FRAS1: variants seen among roughly 807,000 people sequenced by gnomAD.
FRAS1 encodes Fraser extracellular matrix complex subunit 1.
FRAS1 carries 290 observed loss-of-function variants against 435.2 expected under a neutral mutation model. The observed-to-expected ratio is 0.67, with a 90% CI of 0.61 to 0.73. The LOEUF (loss-of-function observed/expected upper bound fraction) is 0.73, where lower values mean the gene tolerates loss of function less well. Ranked by LOEUF, FRAS1 falls within the 30% of genes least tolerant of loss-of-function variation. The pLI, the probability that FRAS1 is intolerant of heterozygous loss-of-function variation, is 0.00. For missense variants in FRAS1, 4,860 were observed against 5,001.5 expected (o/e 0.97, Z 0.85); for synonymous variants, 1,800 against 1,851.0 (o/e 0.97, Z 0.71).
chr4:78,113,830 C>T lies in FRAS1; in HGVS notation c.108+47814C>T, dbSNP rs1056180032. Among the ~76,000 whole-genome samples the T allele has an allele frequency of 1.2e-4, 19 of 152,158 alleles. No individual in the cohort carries two copies. The East Asian group carries it at 2.9e-3, about 23-fold the overall frequency. On this transcript the variant is annotated intron_variant, in intron 2 of 73. Transcript: ENST00000512123. ...TTTGCTGTGCAGAAGTTCTTTAGTTCAATGAGATCCCATTTGTCAATTTTG... is the reference window on the plus strand; with the variant it reads ...TTTGCTGTGCAGAAGTTCTTTAGTTTAATGAGATCCCATTTGTCAATTTTG...
At chr4:78,142,997 A>AC (rs1720258489) in intron 2 of FRAS1, among the ~76,000 whole-genome samples, 1 of 152,328 alleles carries the variant, frequency 6.6e-6, no homozygotes, top group Admixed American at 6.5e-5. Context: ...TAGAAGATTT[A>AC]AACTTGAATA....
chr4:78,262,987 G>C (rs1484897148), intron 6 of FRAS1, among the ~76,000 whole-genome samples: 2 of 152,206 alleles, frequency 1.3e-5, no homozygotes, highest in African/African-American at 2.4e-5. Flanking sequence ...CTATGTTCCA[G>C]TAAAGCTTTA....
At chr4:78,127,306 A>G (rs771497067) in intron 2 of FRAS1, among the ~76,000 whole-genome samples, 52 of 152,182 alleles carry the variant, frequency 3.4e-4, no homozygotes, top group Non-Finnish European at 4.3e-4. Context: ...AGGCTTGCTA[A>G]TGAAGGATTG....
intron 58 of FRAS1, among the ~76,000 whole-genome samples, chr4:78,483,772 C>A (rs201081183): frequency 0.44 from 20,437 of 45,926 alleles, 3,938 homozygotes; most frequent in South Asian, 0.53. Context: ...AAAAAACTCT[C>A]TCTCTCTCTC....
intron 22 of FRAS1, among the ~76,000 whole-genome samples, chr4:78,368,056 A>T (rs72657073): frequency 0.24 from 36,452 of 151,874 alleles, 5,252 homozygotes; most frequent in Non-Finnish European, 0.31. Context: ...AGTAGGTCTC[A>T]CTTCATTTTT....
intron 61 of FRAS1, among the ~76,000 whole-genome samples, chr4:78,500,746 A>G (rs752617019): frequency 6.6e-6 from 1 of 152,124 alleles, no homozygotes; most frequent in African/African-American, 2.4e-5. Flanking sequence ...TTCTGGCTCC[A>G]TCCCATCTGT....
intron 50 of FRAS1, among the ~76,000 whole-genome samples, chr4:78,467,498 A>G (rs1347093933): frequency 6.6e-6 from 1 of 152,148 alleles, no homozygotes; most frequent in Admixed American, 6.6e-5. Flanking sequence ...GTTGCTTCCA[A>G]ATCTTGGCTA....
chr4:78,144,541 T>C (rs529598012), intron 2 of FRAS1, among the ~76,000 whole-genome samples: 10 of 152,246 alleles, frequency 6.6e-5, no homozygotes, highest in East Asian at 1.9e-4. Flanking sequence ...CCTGTATTTG[T>C]TTACATTTTT....
In FRAS1 at chr4:78,119,597, A is replaced by G. The variant is rs968347503; in HGVS notation, c.108+53581A>G. ...TCTTTATCCATTCAGCTGTTGTTGG[A>G]CACTTAGGTTGATTCCATAGCTTGG... is the stretch of plus-strand genomic sequence containing the variant. On this transcript the variant is annotated intron_variant, in intron 2 of 73. Transcript: ENST00000512123. Among the ~76,000 whole-genome samples, 16 of 152,138 alleles carry G rather than the reference A, an allele frequency of 1.1e-4. 1 individual carries two copies. Among genetic ancestry groups the G allele is most frequent in the African/African-American group, 3.6e-4 (15 of 41,430 alleles).
chr4:78,373,806 G>T (rs548369325), intron 24 of FRAS1, among the ~76,000 whole-genome samples: 2 of 152,038 alleles, frequency 1.3e-5, no homozygotes, highest in Admixed American at 1.3e-4. Flanking sequence ...AGTAATAGCT[G>T]CTGATATCTG....
rs75555653 is a variant in FRAS1, at chr4:78,509,581, G to A, written c.9780+575G>A. On this transcript the variant is annotated intron_variant, in intron 63 of 73. Transcript: ENST00000512123. Reference sequence around the variant, plus strand: ...AGAATGGTTGCTGAATGATCAGCACGTTACAAAGCTCTATGGGAGGCCATG... The same window carrying A: ...AGAATGGTTGCTGAATGATCAGCACATTACAAAGCTCTATGGGAGGCCATG... 9.7e-3 allele frequency among the ~76,000 whole-genome samples: 1,477 copies of A among 152,286 alleles called. 73 individuals carry two copies. In the East Asian group the frequency reaches 0.15, roughly 15 times the overall value.
intron 12 of FRAS1, among the ~76,000 whole-genome samples, chr4:78,283,528 A>G (rs957899099): frequency 6.6e-5 from 10 of 152,220 alleles, no homozygotes; most frequent in Non-Finnish European, 1.5e-4. Flanking sequence ...GTTGGCAGGC[A>G]CTGGAGTTGC....
intron 2 of FRAS1, among the ~76,000 whole-genome samples, chr4:78,152,686 T>C (rs755448025): frequency 1.4e-5 from 2 of 142,538 alleles, no homozygotes; most frequent in Non-Finnish European, 3.0e-5. Flanking sequence ...AGCTAATAAC[T>C]TGTAGATCAT....
intron 14 of FRAS1, among the ~76,000 whole-genome samples, chr4:78,307,042 T>A (rs908335384): frequency 6.6e-6 from 1 of 152,212 alleles, no homozygotes; most frequent in Non-Finnish European, 1.5e-5. Flanking sequence ...GATGGGTTTT[T>A]GGTGTGGATG....
chr4:78,512,767 A>G (rs1048257541), intron 64 of FRAS1, among the ~76,000 whole-genome samples: 1 of 152,176 alleles, frequency 6.6e-6, no homozygotes, highest in African/African-American at 2.4e-5. Flanking sequence ...TAGATCAAGG[A>G]ACAGCACACT....
intron 2 of FRAS1, among the ~76,000 whole-genome samples, chr4:78,112,832 AT>A (rs199737971): frequency 1.3e-5 from 2 of 150,958 alleles, no homozygotes; most frequent in South Asian, 2.1e-4. Context: ...TTATTTATTC[AT>A]TTTTTTATTA....
At chr4:78,162,032 A>C (rs1452312364) in intron 2 of FRAS1, among the ~76,000 whole-genome samples, 1 of 152,146 alleles carries the variant, frequency 6.6e-6, no homozygotes, top group Non-Finnish European at 1.5e-5. Flanking sequence ...GCATTTTTCA[A>C]GCTTTGGTAA....
At chr4:78,476,149 A>G (rs957630910) in intron 54 of FRAS1, among the ~76,000 whole-genome samples, 3 of 152,250 alleles carry the variant, frequency 2.0e-5, no homozygotes, top group Non-Finnish European at 4.4e-5. Context: ...CTTGCTAGGA[A>G]GGGACATATA....
At chr4:78,078,916 T>C (rs1037893895) in intron 2 of FRAS1, among the ~76,000 whole-genome samples, 1 of 152,192 alleles carries the variant, frequency 6.6e-6, no homozygotes, top group African/African-American at 2.4e-5. Context: ...TTCTGGGAAT[T>C]TGCCCTAAGA....
Sources: gnomAD v4.1 joint callset for allele counts (sites outside exome capture counted in the v4.1 genomes callset) on GRCh38, gnomAD v4.1.1 for gene constraint, MANE v1.5 for transcripts, NCBI Gene and HGNC (gene_info 2026-07-23, HGNC 2026-07-21) for gene names.